The following PRKCE variants were observed in gnomAD, a reference collection of about 807,000 sequenced individuals.
PRKCE encodes the protein protein kinase C epsilon type.
PRKCE carries 16 observed loss-of-function variants against 85.4 expected under a neutral mutation model. That is an observed-to-expected ratio of 0.19 (90% CI 0.13 to 0.28). PRKCE has a LOEUF of 0.28. PRKCE is among the 10% of genes least tolerant of loss of function. PRKCE has a pLI of 1.00. For missense variants in PRKCE, 573 were observed against 975.2 expected (o/e 0.59, Z 5.49); for synonymous variants, 388 against 371.5 (o/e 1.04, Z -0.51).
chr2:45,661,379 C>T (rs973395249), intron 1 of PRKCE, among the ~76,000 whole-genome samples: 2 of 151,936 alleles, frequency 1.3e-5, no homozygotes, highest in Admixed American at 1.3e-4. Context: ...AACAGGGTTT[C>T]ACCATGTTGG....
intron 14 of PRKCE, among the ~76,000 whole-genome samples, chr2:46,176,330 G>A (rs1053850765): frequency 2.0e-5 from 3 of 151,958 alleles, no homozygotes; most frequent in African/African-American, 4.8e-5. Context: ...GCTCCCCCAG[G>A]TGACTCCAGT....
intron 1 of PRKCE, among the ~76,000 whole-genome samples, chr2:45,684,718 A>G (rs1372923700): frequency 6.6e-6 from 1 of 152,196 alleles, no homozygotes; most frequent in African/African-American, 2.4e-5. Context: ...TTCTTTTGCC[A>G]AATGGGCACC....
At chr2:45,984,225 A>G (rs975923607) in intron 5 of PRKCE, among the ~76,000 whole-genome samples, 1 of 152,128 alleles carries the variant, frequency 6.6e-6, no homozygotes, top group African/African-American at 2.4e-5. Context: ...GATATGATCC[A>G]CTGCACCCGG....
chr2:46,094,128 G>A (rs1410772729), intron 11 of PRKCE, among the ~76,000 whole-genome samples: 1 of 152,128 alleles, frequency 6.6e-6, no homozygotes, highest in Admixed American at 6.6e-5. Context: ...TCTTTGCCAA[G>A]CCTTGTAAAC....
intron 1 of PRKCE, among the ~76,000 whole-genome samples, chr2:45,717,951 T>C (rs2104433116): frequency 6.6e-6 from 1 of 152,206 alleles, no homozygotes; most frequent in East Asian, 1.9e-4. Flanking sequence ...TCCTTTTATA[T>C]ATGAGCAAAG....
intron 2 of PRKCE, among the ~76,000 whole-genome samples, chr2:45,952,084 C>A (rs772643504): frequency 2.0e-5 from 3 of 152,362 alleles, no homozygotes; most frequent in East Asian, 3.9e-4. Flanking sequence ...CTACCCGCCT[C>A]GGCCTCCCAA....
At chr2:45,987,180 G>A (rs1036458435) in intron 6 of PRKCE, among the ~76,000 whole-genome samples, 1 of 152,130 alleles carries the variant, frequency 6.6e-6, no homozygotes, top group Non-Finnish European at 1.5e-5. Context: ...CCTGGAAGAA[G>A]GAGGGGCAGG....
At chr2:45,971,820 A>G (rs1195650518) in intron 2 of PRKCE, among the ~76,000 whole-genome samples, 1 of 152,210 alleles carries the variant, frequency 6.6e-6, no homozygotes, top group African/African-American at 2.4e-5. Context: ...TTTTGTGTGT[A>G]TGTGATGAAT....
intron 1 of PRKCE, among the ~76,000 whole-genome samples, chr2:45,757,478 G>A (rs1436688149): frequency 6.6e-6 from 1 of 151,988 alleles, no homozygotes; most frequent in Non-Finnish European, 1.5e-5. Context: ...ACCAGTCTGG[G>A]CAACATAGTG....
chr2:45,958,641 A>G (rs1187028747), intron 2 of PRKCE, among the ~76,000 whole-genome samples: 1 of 149,642 alleles, frequency 6.7e-6, no homozygotes, highest in East Asian at 2.0e-4. Flanking sequence ...CCTGCCATAT[A>G]TATTGTGGTG....
At chr2:46,162,244 G>C (rs1574638214) in intron 14 of PRKCE, among the ~76,000 whole-genome samples, 1 of 152,144 alleles carries the variant, frequency 6.6e-6, no homozygotes, top group Non-Finnish European at 1.5e-5. Flanking sequence ...AGGGACCTGT[G>C]CTTTCTGTCC....
At chr2:45,999,051 ATAAT>A (rs1243470147) in intron 6 of PRKCE, among the ~76,000 whole-genome samples, 2 of 152,344 alleles carry the variant, frequency 1.3e-5, no homozygotes, top group East Asian at 3.9e-4. Flanking sequence ...ATGAAATACT[ATAAT>A]TACACATAAT....
intron 2 of PRKCE, among the ~76,000 whole-genome samples, chr2:45,924,817 A>G (rs1271236276): frequency 6.6e-6 from 1 of 152,232 alleles, no homozygotes; most frequent in Admixed American, 6.5e-5. Context: ...AGTGAGGCTG[A>G]ATGCAGGACT....
At chr2:45,976,653 A>G in intron 3 of PRKCE, 65 bp downstream of exon 3, 1 of 1,545,188 alleles carries the variant, frequency 6.5e-7, no homozygotes, top group Non-Finnish European at 8.8e-7. Flanking sequence ...GGGATGGGGT[A>G]GGGGAGACTA....
At chr2:45,946,961 G>C (rs1700284204) in intron 2 of PRKCE, among the ~76,000 whole-genome samples, 1 of 152,204 alleles carries the variant, frequency 6.6e-6, no homozygotes, top group African/African-American at 2.4e-5. Flanking sequence ...AGTAGACCTA[G>C]ACTCTATGAG....
chr2:45,892,942 CCA>C (rs1695845098), intron 2 of PRKCE, among the ~76,000 whole-genome samples: 2 of 152,190 alleles, frequency 1.3e-5, no homozygotes. Context: ...GGCAGCATCT[CCA>C]CGGGGCTCAG....
chr2:46,155,080 AG>A lies in PRKCE; in HGVS notation c.1920+3853del, dbSNP rs1309223167. The stretch of plus-strand genomic sequence containing the variant: ...GCAAGAGCCCAGCAGGAGCTGTGGA[AG>A]GTGAACAGGACTGGGTGGGGCAGGG... On this transcript the variant is annotated intron_variant, in intron 13 of 14. Transcript: ENST00000306156. The surrounding 1 kb of genome is among the most constrained non-coding windows in gnomAD (Gnocchi z 4.7). 1.3e-5 allele frequency among the ~76,000 whole-genome samples: 2 copies of A among 152,170 alleles called. No individual in the cohort carries two copies. Among genetic ancestry groups the A allele is most frequent in the African/African-American group, 4.8e-5 (2 of 41,436 alleles).
intron 2 of PRKCE, among the ~76,000 whole-genome samples, chr2:45,944,682 T>C (rs1031833356): frequency 1.5e-5 from 2 of 130,236 alleles, no homozygotes; most frequent in African/African-American, 5.5e-5. Context: ...TTTTTTTTTT[T>C]GTAGAGACAG....
chr2:46,088,935 C>G (rs1403780186), intron 11 of PRKCE, among the ~76,000 whole-genome samples: 1 of 152,194 alleles, frequency 6.6e-6, no homozygotes, highest in Non-Finnish European at 1.5e-5. Flanking sequence ...ACTTGGTACC[C>G]TGCCTTTTCA....
Sources: gnomAD v4.1 joint callset for allele counts (sites outside exome capture counted in the v4.1 genomes callset) on GRCh38, gnomAD v4.1.1 for gene constraint, Gnocchi (gnomAD v3.1) non-coding constraint, MANE v1.5 for transcripts, NCBI Gene and HGNC (gene_info 2026-07-23, HGNC 2026-07-21) for gene names.